The following OCA2 variants were observed in gnomAD, a reference collection of about 807,000 sequenced individuals.
The protein encoded by OCA2 is OCA2 melanosomal transmembrane protein, also known as P protein.
In OCA2, 77 loss-of-function variants were observed where a neutral mutation model predicts 100.2. That is an observed-to-expected ratio of 0.77 (90% confidence interval 0.64 to 0.93). The LOEUF (loss-of-function observed/expected upper bound fraction) is 0.93, where lower values mean the gene tolerates loss of function less well. Among genes scored for constraint, OCA2 ranks in the 40% least tolerant of loss-of-function variants. OCA2 has a pLI of 0.00. For missense variants in OCA2, 1,062 were observed against 1,089.1 expected (o/e 0.98, Z 0.35); for synonymous variants, 432 against 439.2 (o/e 0.98, Z 0.21).
In OCA2 at chr15:27,851,429, G is replaced by A. The variant is rs756546300; in HGVS notation, c.2291C>T (p.Pro764Leu). 3.1e-6 allele frequency: 5 copies of A among 1,613,866 alleles called. No homozygotes were observed. The highest frequency in any genetic ancestry group is 1.3e-5 in the African/African-American group (1 of 74,922). Residue 764 changes from proline (P) to leucine (L), a missense_variant, in exon 22 of 24, where the codon CCC (proline) becomes CTC (leucine). Pro to Leu is a moderately conservative substitution (Grantham distance 98, BLOSUM62 -3). Transcript: ENST00000354638. Reference sequence around the variant, plus strand: ...CAGGGCATACATGAGCGGCGGTGCGGGCAGGCCAACCTCAGGGTCGTGGCT... The same window carrying A: ...CAGGGCATACATGAGCGGCGGTGCGAGCAGGCCAACCTCAGGGTCGTGGCT... ...NLSHDPEVGL[P>L]APPLMYALAF...
chr15:27,871,318 C>T (rs41301777), intron 20 of OCA2, 60 bp from the exon 21 acceptor site: 1 of 1,336,080 alleles, frequency 7.5e-7, no homozygotes, highest in Non-Finnish European at 1.1e-6. Context: ...GTCAGACCCA[C>T]CAGCCGCGAG....
At chr15:27,993,789 C>G (rs1241892660) in intron 9 of OCA2, among the ~76,000 whole-genome samples, 1 of 152,186 alleles carries the variant, frequency 6.6e-6, no homozygotes, top group Non-Finnish European at 1.5e-5. Context: ...GAAACCCACC[C>G]TCTTCCACCA....
chr15:27,775,740 G>A (rs1262051192), intron 23 of OCA2: 1 of 152,334 alleles, frequency 6.6e-6, no homozygotes, highest in African/African-American at 2.4e-5. Flanking sequence ...GGTTTCCCCT[G>A]AGGCCTCGTT....
chr15:27,925,163 C>G (rs1343697637), intron 19 of OCA2, among the ~76,000 whole-genome samples: 3 of 152,176 alleles, frequency 2.0e-5, no homozygotes, highest in African/African-American at 7.2e-5. Flanking sequence ...ACCCCACTCT[C>G]AATAACTGAT....
intron 18 of OCA2, among the ~76,000 whole-genome samples, chr15:27,934,387 C>T (rs1283458417): frequency 3.3e-5 from 5 of 152,230 alleles, no homozygotes; most frequent in Admixed American, 2.0e-4. Flanking sequence ...GCACGTACCA[C>T]ACAGTTCAGA....
chr15:28,050,288 G>A (rs2043469481), intron 2 of OCA2, among the ~76,000 whole-genome samples: 3 of 151,708 alleles, frequency 2.0e-5, no homozygotes, highest in African/African-American at 7.3e-5. Flanking sequence ...TTGTTTCACA[G>A]AAAAAAAGGA....
the OCA2 span, among the ~76,000 whole-genome samples, chr15:27,748,777 TA>T: frequency 2.6e-5 from 4 of 152,116 alleles, no homozygotes; most frequent in Non-Finnish European, 5.9e-5. Flanking sequence ...AGGCAATGAA[TA>T]AGCAATAAAT....
At chr15:28,023,528 C>G (rs1022088365) in intron 5 of OCA2, among the ~76,000 whole-genome samples, 1 of 152,180 alleles carries the variant, frequency 6.6e-6, no homozygotes, top group Non-Finnish European at 1.5e-5. Context: ...ATCTCATGCA[C>G]AGGGGACCCT....
chr15:28,021,845 G>A (rs2042604098), intron 6 of OCA2, among the ~76,000 whole-genome samples: 1 of 152,148 alleles, frequency 6.6e-6, no homozygotes, highest in South Asian at 2.1e-4. Flanking sequence ...GGGAGGGGTG[G>A]GCATAGAGCA....
chr15:27,942,028 G>A lies in OCA2; in HGVS notation c.1951+9756C>T, dbSNP rs2039665849. Among the ~76,000 whole-genome samples the A allele has an allele frequency of 3.3e-5, 5 of 152,046 alleles. 1 individual carries two copies. The South Asian group carries it at 8.3e-4, about 25-fold the overall frequency. On this transcript the variant is annotated intron_variant, in intron 18 of 23. Transcript: ENST00000354638. ...AATAACAAGTGCTGGTGAAAGTGTGGAGAAATCAGAACGCTCATGCATTAC... is the reference window on the plus strand; with the variant it reads ...AATAACAAGTGCTGGTGAAAGTGTGAAGAAATCAGAACGCTCATGCATTAC...
intron 2 of OCA2, among the ~76,000 whole-genome samples, chr15:28,065,179 C>CA (rs2043988376): frequency 6.6e-6 from 1 of 152,100 alleles, no homozygotes; most frequent in Non-Finnish European, 1.5e-5. Context: ...TCAAGTCTCC[C>CA]ACTGAGACTA....
chr15:27,856,701 AACACACACACACACAC>A (rs34330347), intron 21 of OCA2, among the ~76,000 whole-genome samples: 1 of 145,698 alleles, frequency 6.9e-6, no homozygotes, highest in Non-Finnish European at 1.5e-5. Flanking sequence ...ACACACCCCT[AACACACACACACACAC>A]ACACACACAC....
chr15:27,985,013 C>T, intron 13 of OCA2, 51 bp downstream of exon 13: 3 of 1,610,822 alleles, frequency 1.9e-6, no homozygotes, highest in Admixed American at 1.7e-5. Context: ...GGCAGAGCCC[C>T]TGCCTGCCAG....
At chr15:27,831,960 G>A (rs557884100) in intron 23 of OCA2, among the ~76,000 whole-genome samples, 157 of 152,112 alleles carry the variant, frequency 1.0e-3, no homozygotes, top group African/African-American at 3.6e-3. Flanking sequence ...TCCCGAGGCC[G>A]TCTCCAGCCC....
chr15:27,950,900 T>C (rs1190452961), intron 18 of OCA2, among the ~76,000 whole-genome samples: 2 of 152,122 alleles, frequency 1.3e-5, no homozygotes, highest in African/African-American at 2.4e-5. Flanking sequence ...AAGATAAAAG[T>C]TGGGTATTTT....
In OCA2 at chr15:27,871,161, G is replaced by C; in HGVS notation, c.2237C>G (p.Ala746Gly). The change falls in exon 21 of 24, where the codon GCT (alanine) becomes GGT (glycine). Residue 746 changes from alanine to glycine, a missense_variant. Coordinates refer to ENST00000354638, the MANE Select transcript of OCA2 (RefSeq NM_000275.3). ...TGGACATGTGCAACTCACCATGGTA[G>C]CAGTGAACGGGATGTTGTCAATCAG... ...SSLIDNIPFT[A>G]TMIPVLLNLS... The C allele has an allele frequency of 1.2e-6, 2 of 1,612,134 alleles. No individual in the cohort carries two copies. The highest frequency in any genetic ancestry group is 2.7e-5 in the African/African-American group (2 of 75,010).
At chr15:28,071,669 G>C (rs2044264942) in intron 2 of OCA2, among the ~76,000 whole-genome samples, 1 of 152,182 alleles carries the variant, frequency 6.6e-6, no homozygotes, top group African/African-American at 2.4e-5. Flanking sequence ...ACAATGAGGA[G>C]AGGACTCCCT....
At chr15:27,722,719 TCTTTC>T in the OCA2 span, among the ~76,000 whole-genome samples, 1 of 96,770 alleles carries the variant, frequency 1.0e-5, no homozygotes, top group African/African-American at 3.3e-5. Context: ...TTTCTTTCTC[TCTTTC>T]TTCTTTCTTT....
chr15:28,008,895 A>G (rs1303375561), intron 9 of OCA2, among the ~76,000 whole-genome samples: 3 of 152,238 alleles, frequency 2.0e-5, no homozygotes, highest in Admixed American at 6.5e-5. Flanking sequence ...TGAGTAGAGC[A>G]GGATGCAGAC....
Sources: allele counts gnomAD v4.1 joint callset (sites outside exome capture counted in the v4.1 genomes callset), GRCh38; gene constraint gnomAD v4.1.1; transcripts MANE v1.5; gene names NCBI Gene and HGNC (gene_info 2026-07-23, HGNC 2026-07-21).